KCNQ3: variants seen among roughly 807,000 people sequenced by gnomAD.
The protein encoded by KCNQ3 is potassium voltage-gated channel subfamily KQT member 3.
A neutral mutation model predicts 92.5 loss-of-function variants in KCNQ3; 30 were observed. That is an observed-to-expected ratio of 0.32 (90% CI 0.24 to 0.44). The LOEUF (loss-of-function observed/expected upper bound fraction) is 0.44. Ranked by LOEUF, KCNQ3 falls within the 20% of genes least tolerant of loss-of-function variation. The probability of loss-of-function intolerance (pLI) is 1.00; values close to 1 mark genes in which losing one functional copy is unlikely to be tolerated. For synonymous variants in KCNQ3, 450 were observed against 468.8 expected (o/e 0.96, Z 0.52); for missense variants, 913 against 1,140.3 (o/e 0.80, Z 2.87).
At chr8:132,325,877 TGA>T (rs373142381) in intron 1 of KCNQ3, among the ~76,000 whole-genome samples, 1 of 152,230 alleles carries the variant, frequency 6.6e-6, no homozygotes, top group African/African-American at 2.4e-5. Context: ...AACAGGATCA[TGA>T]GAGGCCAAAA....
intron 1 of KCNQ3, among the ~76,000 whole-genome samples, chr8:132,347,121 A>T (rs1818713356): frequency 6.6e-6 from 1 of 152,176 alleles, no homozygotes; most frequent in East Asian, 1.9e-4. Context: ...CCTGGGCTGG[A>T]TATTTTTAAG....
At chr8:132,405,221 G>T (rs1820444683) in intron 1 of KCNQ3, among the ~76,000 whole-genome samples, 1 of 152,214 alleles carries the variant, frequency 6.6e-6, no homozygotes. Context: ...GACGATGCAT[G>T]AGAATGCCTA....
chr8:132,478,246 T>C, intron 1 of KCNQ3, among the ~76,000 whole-genome samples: 1 of 152,266 alleles, frequency 6.6e-6, no homozygotes, highest in African/African-American at 2.4e-5. Context: ...GCTCAGTCAG[T>C]AACAGCTTTA....
At chr8:132,367,231 C>T (rs1819347370) in intron 1 of KCNQ3, among the ~76,000 whole-genome samples, 2 of 152,050 alleles carry the variant, frequency 1.3e-5, no homozygotes, top group Admixed American at 1.3e-4. Flanking sequence ...CATATTGATC[C>T]ACAATGATTT....
chr8:132,267,014 C>T (rs943773466), intron 1 of KCNQ3, among the ~76,000 whole-genome samples: 2 of 152,160 alleles, frequency 1.3e-5, no homozygotes, highest in East Asian at 1.9e-4. Flanking sequence ...AAAACATTTT[C>T]TCCATGTGAA....
chr8:132,228,375 G>C (rs913971926), intron 1 of KCNQ3, among the ~76,000 whole-genome samples: 1 of 152,192 alleles, frequency 6.6e-6, no homozygotes, highest in East Asian at 1.9e-4. Context: ...GTTATTGAGA[G>C]AGAGAGAGAG....
At chr8:132,208,212 G>A (rs749125702) in intron 1 of KCNQ3, among the ~76,000 whole-genome samples, 3 of 152,078 alleles carry the variant, frequency 2.0e-5, no homozygotes, top group South Asian at 4.2e-4. Flanking sequence ...GATATGCATG[G>A]CCTTATAAGG....
intron 1 of KCNQ3, among the ~76,000 whole-genome samples, chr8:132,417,462 C>A (rs1021538730): frequency 6.6e-6 from 1 of 152,220 alleles, no homozygotes; most frequent in African/African-American, 2.4e-5. Flanking sequence ...GTGAAATTTA[C>A]AAGTTGAGTC....
chr8:132,331,824 T>C (rs536745666), intron 1 of KCNQ3, among the ~76,000 whole-genome samples: 1 of 152,244 alleles, frequency 6.6e-6, no homozygotes, highest in Non-Finnish European at 1.5e-5. Context: ...ACTGAGAATC[T>C]GTCTCACAAA....
chr8:132,449,893 C>G (rs62520395), intron 1 of KCNQ3, among the ~76,000 whole-genome samples: 5,104 of 152,254 alleles, frequency 0.034, 136 homozygotes, highest in Non-Finnish European at 0.053. Context: ...ATAGCAAGCC[C>G]AAGTTCATGC....
At chr8:132,451,251 C>T (rs1417207126) in intron 1 of KCNQ3, among the ~76,000 whole-genome samples, 1 of 152,226 alleles carries the variant, frequency 6.6e-6, no homozygotes, top group Non-Finnish European at 1.5e-5. Flanking sequence ...TCTCCTTTGC[C>T]TTCTGCCATG....
chr8:132,445,773 C>A (rs1821661314), intron 1 of KCNQ3, among the ~76,000 whole-genome samples: 1 of 150,614 alleles, frequency 6.6e-6, no homozygotes, highest in Non-Finnish European at 1.5e-5. Context: ...AGTCTCACAA[C>A]TACCCCATTT....
intron 1 of KCNQ3, among the ~76,000 whole-genome samples, chr8:132,263,127 A>G (rs1030550169): frequency 6.6e-6 from 1 of 151,798 alleles, no homozygotes; most frequent in African/African-American, 2.4e-5. Flanking sequence ...GGCGTCACAC[A>G]CTCTTTCCTG....
chr8:132,443,522 T>C lies in KCNQ3; in HGVS notation c.386+36625A>G, dbSNP rs116491018. On this transcript the variant is annotated intron_variant, in intron 1 of 14. Transcript: ENST00000388996. ...ACAGCCAGAGTTCTCAAAAGATACA[T>C]GGAGAAAAGGGCTTTGTTAAAAATC... Among the ~76,000 whole-genome samples the C allele has an allele frequency of 5.7e-3, 863 of 152,070 alleles. 11 individuals are homozygous for C. The highest frequency in any genetic ancestry group is 0.02 in the African/African-American group (829 of 41,462).
intron 1 of KCNQ3, among the ~76,000 whole-genome samples, chr8:132,363,809 T>G (rs1819239081): frequency 6.6e-6 from 1 of 151,468 alleles, no homozygotes; most frequent in South Asian, 2.1e-4. Flanking sequence ...TGTCTTACTT[T>G]CTTTCTCTCT....
intron 1 of KCNQ3, among the ~76,000 whole-genome samples, chr8:132,345,947 GTGA>G (rs1254087531): frequency 1.3e-5 from 2 of 150,444 alleles, no homozygotes; most frequent in East Asian, 1.9e-4. Context: ...GATGATGATG[GTGA>G]TGATGATGGA....
In KCNQ3 at chr8:132,451,430, C is replaced by T. The variant is rs148063925; in HGVS notation, c.386+28717G>A. Among the ~76,000 whole-genome samples the T allele has an allele frequency of 1.7e-3, 262 of 152,346 alleles. 1 individual carries two copies. The highest frequency in any genetic ancestry group is 5.4e-3 in the South Asian group (26 of 4,830). On this transcript the variant is annotated intron_variant, in intron 1 of 14. Transcript: ENST00000388996. ...GACTTTCTTAATGCACCATCCACCA[C>T]GGGCAGACGTTATCCTGTCCCTCCT... is the stretch of plus-strand genomic sequence containing the variant.
intron 13 of KCNQ3, among the ~76,000 whole-genome samples, chr8:132,133,427 C>T (rs1824953774): frequency 7.2e-6 from 1 of 139,224 alleles, no homozygotes; most frequent in African/African-American, 2.7e-5. Context: ...ATGATCTCGG[C>T]TCACTGCAAC....
At chr8:132,450,438 G>A (rs1447965612) in intron 1 of KCNQ3, among the ~76,000 whole-genome samples, 3 of 152,148 alleles carry the variant, frequency 2.0e-5, no homozygotes, top group African/African-American at 7.2e-5. Context: ...TAATCCTCTT[G>A]TAAGACAGAA....
Sources: allele counts gnomAD v4.1 joint callset (sites outside exome capture counted in the v4.1 genomes callset), GRCh38; gene constraint gnomAD v4.1.1; transcripts MANE v1.5; gene names NCBI Gene and HGNC (gene_info 2026-07-23, HGNC 2026-07-21).